The following CACNA2D1 variants were observed in gnomAD, a reference collection of about 807,000 sequenced individuals.
CACNA2D1 encodes calcium voltage-gated channel auxiliary subunit alpha2delta 1.
In CACNA2D1, 53 loss-of-function variants were observed where a neutral mutation model predicts 171.5. That is an observed-to-expected ratio of 0.31 (90% CI 0.25 to 0.39). The LOEUF is 0.39. CACNA2D1 is among the 10% of genes least tolerant of loss of function. CACNA2D1 has a pLI of 1.00. For missense variants in CACNA2D1, 903 were observed against 1,299.8 expected (o/e 0.69, Z 4.69); for synonymous variants, 442 against 443.1 (o/e 1.00, Z 0.03).
intron 6 of CACNA2D1, among the ~76,000 whole-genome samples, chr7:82,105,717 T>C (rs868195376): frequency 6.6e-6 from 1 of 152,090 alleles, no homozygotes; most frequent in Non-Finnish European, 1.5e-5. Context: ...TAAGGAAATA[T>C]AGAAACAACA....
At chr7:82,325,535 CAAAT>C (rs1042543888) in intron 3 of CACNA2D1, among the ~76,000 whole-genome samples, 4 of 152,108 alleles carry the variant, frequency 2.6e-5, no homozygotes, top group Admixed American at 6.5e-5. Flanking sequence ...AAATGACAGA[CAAAT>C]AAATTTTGGC....
At chr7:82,120,224 C>A (rs766170719) in intron 5 of CACNA2D1, among the ~76,000 whole-genome samples, 31 of 151,960 alleles carry the variant, frequency 2.0e-4, no homozygotes, top group Non-Finnish European at 1.8e-4. Context: ...TGTGTAGGAT[C>A]CTGTGTGATG....
intron 12 of CACNA2D1, chr7:82,029,060 GAAGA>G (rs1802313519): frequency 6.6e-6 from 1 of 151,830 alleles, no homozygotes; most frequent in South Asian, 2.1e-4. Context: ...TTTGTGAAAG[GAAGA>G]GTCAGTCAAT....
At position 82,244,733 on chromosome 7, in the gene CACNA2D1, A is replaced by G. The variant is rs182251126; in HGVS notation, c.295-74124T>C. On this transcript the variant is annotated intron_variant, in intron 3 of 38. Coordinates refer to ENST00000356860, the MANE Select transcript of CACNA2D1 (RefSeq NM_000722.4). The stretch of plus-strand genomic sequence containing the variant: ...CACATGAAGGAAAATTATTCTCAAT[A>G]AGAATAAGCCTCATTACTTAGGAAT... 4.6e-5 allele frequency among the ~76,000 whole-genome samples: 7 copies of G among 152,292 alleles called. No homozygotes were observed. The East Asian group carries it at 1.4e-3, about 29-fold the overall frequency.
At chr7:82,214,368 G>T (rs919273322) in intron 3 of CACNA2D1, among the ~76,000 whole-genome samples, 2 of 151,866 alleles carry the variant, frequency 1.3e-5, no homozygotes, top group Non-Finnish European at 2.9e-5. Context: ...ATTTCATGCT[G>T]TATTGTACCC....
At chr7:82,139,976 T>C (rs1174587738) in intron 4 of CACNA2D1, among the ~76,000 whole-genome samples, 1 of 148,216 alleles carries the variant, frequency 6.7e-6, no homozygotes, top group Non-Finnish European at 1.5e-5. Flanking sequence ...TTATTATTAT[T>C]AACGGTGTTT....
chr7:82,155,757 G>A (rs1794319389), intron 4 of CACNA2D1, among the ~76,000 whole-genome samples: 1 of 152,142 alleles, frequency 6.6e-6, no homozygotes, highest in South Asian at 2.1e-4. Context: ...ATGACAAAGA[G>A]TGAAAAGGTG....
chr7:82,092,362 A>T (rs1408367591), intron 6 of CACNA2D1, among the ~76,000 whole-genome samples: 1 of 151,960 alleles, frequency 6.6e-6, no homozygotes, highest in Non-Finnish European at 1.5e-5. Context: ...TTCTATTGAT[A>T]GTACTTCACA....
intron 3 of CACNA2D1, among the ~76,000 whole-genome samples, chr7:82,292,134 G>C (rs773098641): frequency 6.6e-6 from 1 of 152,052 alleles, no homozygotes; most frequent in African/African-American, 2.4e-5. Flanking sequence ...AAGCAATGTA[G>C]TGTGCTGTGA....
At chr7:81,957,469 C>T (rs1793543582) in intron 38 of CACNA2D1, among the ~76,000 whole-genome samples, 1 of 151,932 alleles carries the variant, frequency 6.6e-6, no homozygotes, top group African/African-American at 2.4e-5. Context: ...CCATCCACAC[C>T]ACATGAAAAC....
chr7:82,221,605 C>T (rs536003041), intron 3 of CACNA2D1, among the ~76,000 whole-genome samples: 3 of 151,958 alleles, frequency 2.0e-5, no homozygotes, highest in East Asian at 1.9e-4. Flanking sequence ...AAATAGCCGG[C>T]GTGATGGCAG....
chr7:82,399,907 T>G (rs1327766955), intron 1 of CACNA2D1, among the ~76,000 whole-genome samples: 2 of 152,172 alleles, frequency 1.3e-5, no homozygotes, highest in Admixed American at 1.3e-4. Flanking sequence ...TTTCCAGGTT[T>G]GTAGCATCAC....
intron 3 of CACNA2D1, among the ~76,000 whole-genome samples, chr7:82,250,071 C>A (rs1482968684): frequency 1.3e-5 from 2 of 152,242 alleles, no homozygotes; most frequent in Non-Finnish European, 2.9e-5. Flanking sequence ...AGCAAGTAAA[C>A]AGAGAGAGGC....
At position 82,393,089 on chromosome 7, in the gene CACNA2D1, G is replaced by GGCAA. The variant is rs1426372544; in HGVS notation, c.96-43441_96-43440insTTGC. 9.5e-4 allele frequency among the ~76,000 whole-genome samples: 110 copies of GGCAA among 115,552 alleles called. 1 individual carries two copies. The highest frequency in any genetic ancestry group is 4.5e-3 in the African/African-American group (110 of 24,296). The allele number at this position is 115,552 out of a possible 152,430, so 75.8% of individuals were successfully genotyped here. ...AGGAAGGAAGGAAGGAAGGAAGGCA[G>GGCAA]GCAGGCAGGCAGGCAGGCAGGCAGG... On this transcript the variant is annotated intron_variant, in intron 1 of 38. Coordinates refer to ENST00000356860, the MANE Select transcript of CACNA2D1 (RefSeq NM_000722.4).
At chr7:82,308,292 T>C (rs2129431200) in intron 3 of CACNA2D1, among the ~76,000 whole-genome samples, 1 of 152,236 alleles carries the variant, frequency 6.6e-6, no homozygotes, top group South Asian at 2.1e-4. Flanking sequence ...TGGATAAAAA[T>C]GTACTGAAAA....
intron 3 of CACNA2D1, among the ~76,000 whole-genome samples, chr7:82,174,176 A>T (rs865998342): frequency 1.3e-5 from 2 of 151,966 alleles, no homozygotes; most frequent in South Asian, 2.1e-4. Context: ...TCAGAAAAAA[A>T]AAAATAAAAA....
At chr7:81,991,479 CA>C (rs1355103355) in intron 20 of CACNA2D1, among the ~76,000 whole-genome samples, 9 of 152,142 alleles carry the variant, frequency 5.9e-5, no homozygotes, top group Admixed American at 5.9e-4. Context: ...TTATTATCTT[CA>C]AAACATTGAA....
At chr7:82,204,323 G>C in intron 3 of CACNA2D1, among the ~76,000 whole-genome samples, 1 of 152,180 alleles carries the variant, frequency 6.6e-6, no homozygotes, top group East Asian at 1.9e-4. Context: ...TAACTACCTA[G>C]AAGTTACAAA....
chr7:82,256,306 T>G (rs1469371181), intron 3 of CACNA2D1, among the ~76,000 whole-genome samples: 1 of 151,954 alleles, frequency 6.6e-6, no homozygotes, highest in Non-Finnish European at 1.5e-5. Flanking sequence ...AAAAATCAAA[T>G]AAAATTAAAT....
Sources: gnomAD v4.1 joint callset for allele counts (sites outside exome capture counted in the v4.1 genomes callset) on GRCh38, gnomAD v4.1.1 for gene constraint, MANE v1.5 for transcripts, NCBI Gene and HGNC (gene_info 2026-07-23, HGNC 2026-07-21) for gene names.